Variants in SMARCA4 observed in about 807,000 individuals in gnomAD.
SMARCA4 encodes the protein SWI/SNF related BAF chromatin remodeling complex subunit ATPase 4.
A neutral mutation model predicts 193.9 loss-of-function variants in SMARCA4; 31 were observed. The ratio of observed to expected loss-of-function variants is 0.16; its 90% CI spans 0.12 to 0.22. The LOEUF (loss-of-function observed/expected upper bound fraction) is 0.22, where lower values mean the gene tolerates loss of function less well. Ranked by LOEUF, SMARCA4 falls within the 10% of genes least tolerant of loss-of-function variation. The pLI is 1.00. For synonymous variants in SMARCA4, 942 were observed against 933.1 expected (o/e 1.01, Z -0.17); for missense variants, 1,148 against 2,296.0 (o/e 0.50, Z 10.22).
At chr19:11,044,115 A>G (rs1306707980) in intron 30 of SMARCA4, among the ~76,000 whole-genome samples, 1 of 152,198 alleles carries the variant, frequency 6.6e-6, no homozygotes, top group African/African-American at 2.4e-5. Context: ...CTTGAAGCGC[A>G]GTGGGGAAAG....
At chr19:10,979,225 C>G (rs1321408817) in intron 1 of SMARCA4, among the ~76,000 whole-genome samples, 1 of 152,020 alleles carries the variant, frequency 6.6e-6, no homozygotes, top group East Asian at 1.9e-4. Context: ...TTATGCCTCC[C>G]TTTATAACCA....
chr19:11,026,202 G>C, intron 22 of SMARCA4, 98 bp from the exon 23 acceptor site: 1 of 944,926 alleles, frequency 1.1e-6, no homozygotes, highest in East Asian at 2.4e-5. Context: ...CACAGTGTGG[G>C]GGCTTTGTCC....
At position 11,061,736 on chromosome 19, in the gene SMARCA4, C is replaced by T. The variant is rs184261552; in HGVS notation, c.4912-48C>T. 2.1e-5 allele frequency: 33 copies of T among 1,590,830 alleles called. No individual in the cohort carries two copies. In the Admixed American group the frequency reaches 4.2e-4, roughly 20 times the overall value. ...TTTGGCAGGTCCCTGGCAAGGTGCC[C>T]TGGCAGGGGTGGCCAACGCACACTC... On this transcript the variant is annotated intron_variant, in intron 34 of 34. Transcript: ENST00000344626.
chr19:10,990,381 T>G (rs1388405740), intron 7 of SMARCA4, among the ~76,000 whole-genome samples: 1 of 152,012 alleles, frequency 6.6e-6, no homozygotes, highest in Admixed American at 6.6e-5. Context: ...CAGGTTCAAG[T>G]GATTCTCCCA....
intron 21 of SMARCA4, 109 bp from the exon 22 acceptor site, chr19:11,025,313 C>T (rs2090172650): frequency 2.7e-6 from 2 of 754,494 alleles, no homozygotes; most frequent in African/African-American, 3.4e-5. Flanking sequence ...GCCACTCTTC[C>T]CCACTAGAGC....
At chr19:11,029,692 A>G (rs1314633680) in intron 24 of SMARCA4, among the ~76,000 whole-genome samples, 2 of 152,022 alleles carry the variant, frequency 1.3e-5, no homozygotes, top group Non-Finnish European at 2.9e-5. Flanking sequence ...CTTTTTTTTG[A>G]GACGGAGTTT....
rs1238311031 is a variant in SMARCA4 at position 10,986,042 on chromosome 19, G to T, written c.356-147G>T. The stretch of plus-strand genomic sequence containing the variant: ...CTGGGCTGAGGTGCCTTCAGCATGT[G>T]CCCTCCAGGTGCCCCTGGTTGACTC... On this transcript the variant is annotated intron_variant, in intron 3 of 34. Transcript: ENST00000344626. The surrounding 1 kb of genome is among the most constrained non-coding windows in gnomAD (Gnocchi z 6.7). 2 of 729,302 alleles carry T rather than the reference G, an allele frequency of 2.7e-6. No homozygotes were observed. The highest frequency in any genetic ancestry group is 4.8e-6 in the Non-Finnish European group (2 of 416,208). The allele number at this position is 729,302 out of a possible 1,614,324, so 45.2% of individuals were successfully genotyped here.
intron 30 of SMARCA4, among the ~76,000 whole-genome samples, chr19:11,052,776 A>G (rs940755219): frequency 1.3e-5 from 2 of 152,080 alleles, no homozygotes; most frequent in Non-Finnish European, 2.9e-5. Flanking sequence ...GCCTCCCTGC[A>G]CTCAGGACCG....
chr19:10,982,030 T>C (rs1599909235), intron 1 of SMARCA4, among the ~76,000 whole-genome samples: 1 of 151,906 alleles, frequency 6.6e-6, no homozygotes, highest in African/African-American at 2.4e-5. Context: ...CTTTTTCCGC[T>C]AGATCACCTA....
intron 19 of SMARCA4, among the ~76,000 whole-genome samples, chr19:11,023,115 G>A (rs1429549681): frequency 1.3e-5 from 2 of 152,170 alleles, no homozygotes; most frequent in Admixed American, 6.5e-5. Flanking sequence ...AGAATCACCC[G>A]CTATAAGCCC....
intron 11 of SMARCA4, 74 bp from the exon 12 acceptor site, chr19:11,002,954 TC>T (rs1027646520): frequency 6.6e-5 from 103 of 1,569,636 alleles, no homozygotes; most frequent in Non-Finnish European, 8.3e-5. Flanking sequence ...AGTGGGTGCT[TC>T]CCACCTTGGC....
At position 11,061,188 on chromosome 19, in the gene SMARCA4, T is replaced by TAA. The variant is rs140377414; in HGVS notation, c.4912-580_4912-579dup. 6.4e-4 allele frequency among the ~76,000 whole-genome samples: 44 copies of TAA among 68,846 alleles called. 1 individual carries two copies. The highest frequency in any genetic ancestry group is 2.0e-3 in the African/African-American group (24 of 12,058). 45.2% of individuals were successfully genotyped at this position (68,846 alleles called of 152,430 possible). On this transcript the variant is annotated intron_variant, in intron 34 of 34. Transcript: ENST00000344626. ...GGGCAACAGAGCAAGACCCTGTCTTTAAAAAAAAAAAAAAAAATATATATA... is the reference window on the plus strand; with the variant it reads ...GGGCAACAGAGCAAGACCCTGTCTTTAAAAAAAAAAAAAAAAAAATATATATA...
chr19:11,013,936 G>A (rs964219189), intron 16 of SMARCA4, among the ~76,000 whole-genome samples: 2 of 152,052 alleles, frequency 1.3e-5, no homozygotes, highest in East Asian at 1.9e-4. Context: ...CACCTCTCTC[G>A]ACATCTCTCT....
At chr19:11,045,069 C>G (rs893697955) in intron 30 of SMARCA4, among the ~76,000 whole-genome samples, 3 of 152,192 alleles carry the variant, frequency 2.0e-5, no homozygotes, top group African/African-American at 7.2e-5. Flanking sequence ...GCCTGTAATC[C>G]CAGCACTTTG....
chr19:11,043,300 AAAAG>A (rs2075725631), intron 30 of SMARCA4, among the ~76,000 whole-genome samples: 1 of 152,178 alleles, frequency 6.6e-6, no homozygotes, highest in Non-Finnish European at 1.5e-5. Flanking sequence ...AAAAGAGAAA[AAAAG>A]AAAGGTTCTT....
Position 11,053,398 on chromosome 19 carries a change from G to A in SMARCA4, c.4425-4857G>A, listed in dbSNP as rs2076368452. On this transcript the variant is annotated intron_variant, in intron 30 of 34. Coordinates refer to ENST00000344626, the MANE Select transcript of SMARCA4 (RefSeq NM_003072.5). ...ACTCGGGAGGCGGAGGTTTCAGTAA[G>A]CCAAGATTGCACCACTGCACTCCAG... Among the ~76,000 whole-genome samples the A allele has an allele frequency of 1.4e-5, 2 of 145,444 alleles. 1 individual carries two copies. Among genetic ancestry groups the A allele is most frequent in the East Asian group, 4.0e-4 (2 of 4,990 alleles).
rs1056342044 is a variant in SMARCA4 at position 10,985,614 on chromosome 19, A to G, written c.355+209A>G. 6.6e-6 allele frequency among the ~76,000 whole-genome samples: 1 copy of G among 152,248 alleles called. No homozygotes were observed. The highest frequency in any genetic ancestry group is 2.4e-5 in the African/African-American group (1 of 41,550). ...TCTCGGAGCAGCCCTGGAAGGGGAA[A>G]TGCTGGTTGGGGGGCAGACCATGTT... is the stretch of plus-strand genomic sequence containing the variant. On this transcript the variant is annotated intron_variant, in intron 3 of 34. Transcript: ENST00000344626. The surrounding 1 kb of genome is among the most constrained non-coding windows in gnomAD (Gnocchi z 4.5).
At position 10,987,623 on chromosome 19, in the gene SMARCA4, C is replaced by A; in HGVS notation, c.860-43C>A. On this transcript the variant is annotated intron_variant, in intron 5 of 34. Transcript: ENST00000344626. The surrounding 1 kb of genome is among the most constrained non-coding windows in gnomAD (Gnocchi z 5.3). ...TTTCCATTTCCAGCCCGGGATGGGC[C>A]CCAGAGCTCAACATGACGCCCTGGC... is the stretch of plus-strand genomic sequence containing the variant. 6.2e-7 allele frequency: 1 copy of A among 1,611,328 alleles called. No individual in the cohort carries two copies. Among genetic ancestry groups the A allele is most frequent in the Non-Finnish European group, 8.5e-7 (1 of 1,178,504 alleles).
Position 11,059,674 on chromosome 19 carries a change from G to A in SMARCA4, c.4636-79G>A, listed in dbSNP as rs897331575. Reference sequence around the variant, plus strand: ...CTGTCCAGGGGCAACACAGGGCTGGGGCTGGGGCTGGGGCCAGGGCCGGGC... The same window carrying A: ...CTGTCCAGGGGCAACACAGGGCTGGAGCTGGGGCTGGGGCCAGGGCCGGGC... On this transcript the variant is annotated intron_variant, in intron 32 of 34. Coordinates refer to ENST00000344626, the MANE Select transcript of SMARCA4 (RefSeq NM_003072.5). 3.4e-6 allele frequency: 5 copies of A among 1,491,278 alleles called. No individual in the cohort carries two copies. In the South Asian group the frequency reaches 6.0e-5, roughly 18 times the overall value. The allele number at this position is 1,491,278 out of a possible 1,614,324, so 92.4% of individuals were successfully genotyped here. A position where few individuals can be genotyped will look rare whatever the true frequency, so the allele number is the denominator to read the frequency against.
Sources: allele counts gnomAD v4.1 joint callset (sites outside exome capture counted in the v4.1 genomes callset), GRCh38; gene constraint gnomAD v4.1.1; non-coding constraint Gnocchi (gnomAD v3.1); transcripts MANE v1.5; gene names NCBI Gene and HGNC (gene_info 2026-07-23, HGNC 2026-07-21).